Variants in GPR85 observed in about 807,000 individuals in gnomAD.
GPR85 encodes G protein-coupled receptor 85.
A neutral mutation model predicts 21.3 loss-of-function variants in GPR85; 7 were observed. The observed-to-expected ratio is 0.33, with a 90% CI of 0.19 to 0.62. The LOEUF is 0.62. Among genes scored for constraint, GPR85 ranks in the 20% least tolerant of loss-of-function variants. The pLI, the probability that GPR85 is intolerant of heterozygous loss-of-function variation, is 0.80. For synonymous variants in GPR85, 167 were observed against 166.1 expected, an observed-to-expected ratio of 1.01 and a Z score of -0.04; for missense variants, 299 against 443.8, an observed-to-expected ratio of 0.67 and a Z score of 2.93.
chr7:113,083,890 T>C lies in GPR85; in HGVS notation c.832A>G (p.Lys278Glu). Residue 278 changes from lysine to glutamate, a missense_variant, in exon 3 of 3, where the codon AAA becomes GAA. Coordinates refer to ENST00000424100, the MANE Select transcript of GPR85 (RefSeq NM_001146267.2). The surrounding 1 kb of genome is among the most constrained non-coding windows in gnomAD (Gnocchi z 4.4). ...RRRLLVLDEF[K>E]MEKRISRMFY... is the part of the protein sequence containing the mutation. ...ATTCTGCTGATTCTTTTCTCCATTTTGAACTCGTCTAAGACCAATAGCCTT... is the reference window on the plus strand; with the variant it reads ...ATTCTGCTGATTCTTTTCTCCATTTCGAACTCGTCTAAGACCAATAGCCTT... The C allele has an allele frequency of 6.2e-7, 1 of 1,614,208 alleles. No individual in the cohort carries two copies. The highest frequency in any genetic ancestry group is 8.5e-7 in the Non-Finnish European group (1 of 1,180,028).
chr7:113,084,200 G>C lies in GPR85; in HGVS notation c.522C>G (p.Phe174Leu). The C allele has an allele frequency of 6.2e-7, 1 of 1,614,116 alleles. No individual in the cohort carries two copies. The highest frequency in any genetic ancestry group is 1.3e-5 in the African/African-American group (1 of 75,038). The change falls in exon 3 of 3, where the codon TTC becomes TTG. Residue 174 changes from phenylalanine to leucine, a missense_variant. Coordinates refer to ENST00000424100, the MANE Select transcript of GPR85 (RefSeq NM_001146267.2). ...CATTAGCCCTGAAGGAGCGGTGTTG[G>C]AAGGTGCATTGATCTTCCTCCCTAA... is the stretch of plus-strand genomic sequence containing the variant. Reference protein sequence around the residue: ...SFIREEDQCTFQHRSFRANDS... With the variant: ...SFIREEDQCTLQHRSFRANDS...
At position 113,084,981 on chromosome 7, in the gene GPR85, A is replaced by C; in HGVS notation, c.-170-90T>G. 8.5e-6 allele frequency: 3 copies of C among 353,212 alleles called. No individual in the cohort carries two copies. In the South Asian group the frequency reaches 3.2e-4, roughly 38 times the overall value. 21.9% of individuals were successfully genotyped at this position (353,212 alleles called of 1,614,324 possible). ...CTAACAAAGCTGTTCACTTATGGGG[A>C]AGCAAATAAAGTTTTAATTTTGAAT... On this transcript the variant is annotated intron_variant, in intron 2 of 2. Transcript: ENST00000424100.
rs1276058565 is a variant in GPR85 at position 113,086,530 on chromosome 7, C to G, written c.-497G>C. ...CCTTGAGCTCCAGCCGCGTCCTCCC[C>G]TGTCGCAGCGGCACCGTCTCCCCCA... On this transcript the variant is annotated 5_prime_UTR_variant, in exon 1 of 3. Coordinates refer to ENST00000424100, the MANE Select transcript of GPR85 (RefSeq NM_001146267.2). The G allele has an allele frequency of 1.3e-5, 2 of 150,160 alleles. No individual in the cohort carries two copies. The highest frequency in any genetic ancestry group is 2.0e-4 in the East Asian group (1 of 5,026). 9.3% of individuals were successfully genotyped at this position (150,160 alleles called of 1,614,324 possible). A position where few individuals can be genotyped will look rare whatever the true frequency, so the allele number is the denominator to read the frequency against.
rs1794284507 is a variant in GPR85, at chr7:113,086,396, C to CTTTTTTTTTTTTTTTTTTTGTTTTTTT, written c.-364_-363insAAAAAAACAAAAAAAAAAAAAAAAAAA. The CTTTTTTTTTTTTTTTTTTTGTTTTTTT allele has an allele frequency of 2.1e-5, 1 of 48,066 alleles. No homozygotes were observed. Among genetic ancestry groups the CTTTTTTTTTTTTTTTTTTTGTTTTTTT allele is most frequent in the Non-Finnish European group, 3.6e-5 (1 of 28,132 alleles). 3.0% of individuals were successfully genotyped at this position (48,066 alleles called of 1,614,324 possible). ...CTGATTTTTTTCTTTTTTTCTTTTT[C>CTTTTTTTTTTTTTTTTTTTGTTTTTTT]TTTTTTTTTTTTTTTTTTTTGTTTT... On this transcript the variant is annotated 5_prime_UTR_variant, in exon 1 of 3. Transcript: ENST00000424100.
At position 113,083,435 on chromosome 7, in the gene GPR85, C is replaced by CT; in HGVS notation, c.*173dup. 1.6e-6 allele frequency: 1 copy of CT among 632,462 alleles called. No individual in the cohort carries two copies. Among genetic ancestry groups the CT allele is most frequent in the Non-Finnish European group, 2.7e-6 (1 of 366,016 alleles). The allele number at this position is 632,462 out of a possible 1,614,324, so 39.2% of individuals were successfully genotyped here. On this transcript the variant is annotated 3_prime_UTR_variant, in exon 3 of 3. Coordinates refer to ENST00000424100, the MANE Select transcript of GPR85 (RefSeq NM_001146267.2). The surrounding 1 kb of genome is among the most constrained non-coding windows in gnomAD (Gnocchi z 4.4). ...TTTGCTGGCAGTCAGCAGGATCACT[C>CT]TGAGATTTAAAATAGGATTATAGGT...
rs376463244 is a variant in GPR85 at position 113,084,245 on chromosome 7, G to A, written c.477C>T (p.Asp159=). ...SVAMAFPPVL[D]VGTYSFIREE... is the part of the protein sequence containing the mutation. ...CCCTAATGAATGAGTAAGTGCCCAC[G>A]TCTAAAACCGGGGGAAATGCCATGG... Residue 159 remains aspartate (D), a synonymous_variant, in exon 3 of 3, where the codon GAC becomes GAT. Coordinates refer to ENST00000424100, the MANE Select transcript of GPR85 (RefSeq NM_001146267.2). 2.3e-5 allele frequency: 37 copies of A among 1,614,002 alleles called. No homozygotes were observed. The highest frequency in any genetic ancestry group is 4.4e-5 in the South Asian group (4 of 91,084).
chr7:113,084,917 A>C, intron 2 of GPR85, 26 bp from the exon 3 acceptor site: 3 of 517,232 alleles, frequency 5.8e-6, no homozygotes, highest in Non-Finnish European at 1.0e-5. Flanking sequence ...AAAAAAACCT[A>C]TCAGTTCTTA....
rs1794280731 is a variant in GPR85, at chr7:113,086,390, C to CTTTTTTTTTTTTTTTTTT, written c.-358_-357insAAAAAAAAAAAAAAAAAA. On this transcript the variant is annotated 5_prime_UTR_variant, in exon 1 of 3. Coordinates refer to ENST00000424100, the MANE Select transcript of GPR85 (RefSeq NM_001146267.2). The stretch of plus-strand genomic sequence containing the variant: ...AAATTGCTGATTTTTTTCTTTTTTT[C>CTTTTTTTTTTTTTTTTTT]TTTTTCTTTTTTTTTTTTTTTTTTT... 5 of 25,294 alleles carry CTTTTTTTTTTTTTTTTTT rather than the reference C, an allele frequency of 2.0e-4. No individual in the cohort carries two copies. Among genetic ancestry groups the CTTTTTTTTTTTTTTTTTT allele is most frequent in the East Asian group, 1.2e-3 (1 of 814 alleles). 1.6% of individuals were successfully genotyped at this position (25,294 alleles called of 1,614,324 possible).
rs1794305276 is a variant in GPR85, at chr7:113,086,441, T to TTTTTTG, written c.-409_-408insCAAAAA. The TTTTTTG allele has an allele frequency of 7.6e-6, 1 of 132,188 alleles. No individual in the cohort carries two copies. Among genetic ancestry groups the TTTTTTG allele is most frequent in the African/African-American group, 2.8e-5 (1 of 35,326 alleles). 8.2% of individuals were successfully genotyped at this position (132,188 alleles called of 1,614,324 possible). ...TGTTTTTTGTTTTTTTTTTTTTTTT[T>TTTTTTG]TTTGCCTTAGTGCCTTGACTGAGCA... On this transcript the variant is annotated 5_prime_UTR_variant, in exon 1 of 3. Transcript: ENST00000424100.
chr7:113,083,585 G>C lies in GPR85; in HGVS notation c.*24C>G. On this transcript the variant is annotated 3_prime_UTR_variant, in exon 3 of 3. Coordinates refer to ENST00000424100, the MANE Select transcript of GPR85 (RefSeq NM_001146267.2). The surrounding 1 kb of genome is among the most constrained non-coding windows in gnomAD (Gnocchi z 4.4). ...CAGCAGAGAAGGTTAGTTTTCACAA[G>C]GCTAAAGATTTACAGATGCTCCCTC... 6.3e-7 allele frequency: 1 copy of C among 1,586,936 alleles called. No individual in the cohort carries two copies. Among genetic ancestry groups the C allele is most frequent in the Non-Finnish European group, 8.6e-7 (1 of 1,166,572 alleles).
At position 113,083,733 on chromosome 7, in the gene GPR85, G is replaced by A. The variant is rs372071765; in HGVS notation, c.989C>T (p.Ala330Val). Reference sequence around the variant, plus strand: ...GACAAAAGGATTGATTCCTGCTTGGGCAAAACTCATCCAGACAGCAGCTGT... The same window carrying A: ...GACAAAAGGATTGATTCCTGCTTGGACAAAACTCATCCAGACAGCAGCTGT... The part of the protein sequence containing the change: ...FLTAAVWMSF[A>V]QAGINPFVCI... The change falls in exon 3 of 3, where the codon GCC becomes GTC. Residue 330 changes from alanine to valine, a missense_variant. Coordinates refer to ENST00000424100, the MANE Select transcript of GPR85 (RefSeq NM_001146267.2). This position sits in a 1 kb window ranked among gnomAD's most constrained non-coding sequence, Gnocchi z 4.4. 3 of 1,614,072 alleles carry A rather than the reference G, an allele frequency of 1.9e-6. No homozygotes were observed. Among genetic ancestry groups the A allele is most frequent in the Non-Finnish European group, 2.5e-6 (3 of 1,180,044 alleles).
Position 113,084,579 on chromosome 7 carries a change from T to C in GPR85, c.143A>G (p.Asp48Gly), listed in dbSNP as rs1032120770. 5.6e-6 allele frequency: 9 copies of C among 1,613,794 alleles called. No individual in the cohort carries two copies. Among genetic ancestry groups the C allele is most frequent in the Non-Finnish European group, 7.6e-6 (9 of 1,179,800 alleles). The change falls in exon 3 of 3, where the codon GAT becomes GGT. Residue 48 changes from aspartate to glycine, a missense_variant. Physicochemically the swap from Asp to Gly is moderately conservative, Grantham distance 94. Around this residue, in one of 2 missense-constraint regions of GPR85, gnomAD observed 101 missense variants for 108.4 expected, o/e 0.93. Coordinates refer to ENST00000424100, the MANE Select transcript of GPR85 (RefSeq NM_001146267.2). Reference protein sequence around the residue: ...NLLISILLVKDKTLHRAPYYF... With the variant: ...NLLISILLVKGKTLHRAPYYF... ...GTAAGGTGCTCTATGCAAGGTCTTATCTTTCACTAGCAAAATGGAGATCAG... is the reference window on the plus strand; with the variant it reads ...GTAAGGTGCTCTATGCAAGGTCTTACCTTTCACTAGCAAAATGGAGATCAG...
rs376463244 is a variant in GPR85, at chr7:113,084,245, G to C, written c.477C>G (p.Asp159Glu). ...SVAMAFPPVL[D>E]VGTYSFIREE... is the part of the protein sequence containing the mutation. ...CCCTAATGAATGAGTAAGTGCCCACGTCTAAAACCGGGGGAAATGCCATGG... is the reference window on the plus strand; with the variant it reads ...CCCTAATGAATGAGTAAGTGCCCACCTCTAAAACCGGGGGAAATGCCATGG... The change falls in exon 3 of 3, where the codon GAC becomes GAG. Residue 159 changes from aspartate to glutamate, a missense_variant. Asp to Glu is a conservative substitution (Grantham distance 45, BLOSUM62 2). Around this residue, in one of 2 missense-constraint regions of GPR85, gnomAD observed 198 missense variants for 335.4 expected, o/e 0.59. Transcript: ENST00000424100. 1.9e-6 allele frequency: 3 copies of C among 1,614,120 alleles called. No homozygotes were observed. Among genetic ancestry groups the C allele is most frequent in the Non-Finnish European group, 2.5e-6 (3 of 1,180,018 alleles).
In GPR85 at chr7:113,086,417, G is replaced by GTTTTTTTTTTTTTTTTTTTTTT. The variant is rs1794296050; in HGVS notation, c.-385_-384insAAAAAAAAAAAAAAAAAAAAAA. 2 of 66,632 alleles carry GTTTTTTTTTTTTTTTTTTTTTT rather than the reference G, an allele frequency of 3.0e-5. No individual in the cohort carries two copies. Among genetic ancestry groups the GTTTTTTTTTTTTTTTTTTTTTT allele is most frequent in the African/African-American group, 6.2e-5 (1 of 16,224 alleles). The allele number at this position is 66,632 out of a possible 1,614,324, so 4.1% of individuals were successfully genotyped here. On this transcript the variant is annotated 5_prime_UTR_variant, in exon 1 of 3. It removes the in-frame stop codon of an upstream open reading frame in the 5' UTR. Coordinates refer to ENST00000424100, the MANE Select transcript of GPR85 (RefSeq NM_001146267.2). ...TTTTCTTTTTTTTTTTTTTTTTTTT[G>GTTTTTTTTTTTTTTTTTTTTTT]TTTTTTGTTTTTTTTTTTTTTTTTT...
At chr7:113,087,053 CT>C (rs1158581883), upstream of GPR85, among the ~76,000 whole-genome samples, 13 of 152,042 alleles carry the variant, frequency 8.6e-5, no homozygotes, top group Admixed American at 3.3e-4. Flanking sequence ...ATTTATTTAT[CT>C]TTTTCCCACA....
chr7:113,087,013 A>T (rs945809179), upstream of GPR85, among the ~76,000 whole-genome samples: 3 of 152,192 alleles, frequency 2.0e-5, no homozygotes, highest in Non-Finnish European at 4.4e-5. Flanking sequence ...CAAGAAAAGA[A>T]TGGGAAAAAA....
Position 113,083,515 on chromosome 7 carries a change from A to T in GPR85, c.*94T>A. ...CCAAATCCTTAAAACTGCTGATTCC[A>T]TTCTTGAATTTCTTCTCAAAATATG... On this transcript the variant is annotated 3_prime_UTR_variant, in exon 3 of 3. Coordinates refer to ENST00000424100, the MANE Select transcript of GPR85 (RefSeq NM_001146267.2). The surrounding 1 kb of genome is among the most constrained non-coding windows in gnomAD (Gnocchi z 4.4). 1 of 1,151,930 alleles carries T rather than the reference A, an allele frequency of 8.7e-7. No homozygotes were observed. Among genetic ancestry groups the T allele is most frequent in the Non-Finnish European group, 1.2e-6 (1 of 801,652 alleles). 71.4% of individuals were successfully genotyped at this position (1,151,930 alleles called of 1,614,324 possible).
In GPR85 at chr7:113,083,930, G is replaced by A. The variant is rs746465211; in HGVS notation, c.792C>T (p.Asn264=). The A allele has an allele frequency of 4.3e-6, 7 of 1,614,036 alleles. No individual in the cohort carries two copies. In the Admixed American group the frequency reaches 1.0e-4, roughly 23 times the overall value. ...CCAATAGCCTTCTTCTGCCTGTGGT[G>A]TTTGCATTTTGCCTGATGCCCAGCA... The part of the protein sequence containing the change: ...PTLLGIRQNA[N]TTGRRRLLVL... The change falls in exon 3 of 3, where the codon AAC becomes AAT. Residue 264 remains asparagine, a synonymous_variant. Transcript: ENST00000424100. The surrounding 1 kb of genome is among the most constrained non-coding windows in gnomAD (Gnocchi z 4.4).
chr7:113,083,693 G>C lies in GPR85; in HGVS notation c.1029C>G (p.Asn343Lys). ...GINPFVCIFS[N>K]RELRRCFSTT... ...TGCTGAAACAGCGCCTCAGCTCCCT[G>C]TTTGAGAAAATGCAGACAAAAGGAT... Residue 343 changes from asparagine (N) to lysine (K), a missense_variant, in exon 3 of 3, where the codon AAC becomes AAG. Physicochemically the swap from Asn to Lys is moderately conservative, Grantham distance 94 (BLOSUM62 0). Coordinates refer to ENST00000424100, the MANE Select transcript of GPR85 (RefSeq NM_001146267.2). This position sits in a 1 kb window ranked among gnomAD's most constrained non-coding sequence, Gnocchi z 4.4. The C allele has an allele frequency of 6.2e-7, 1 of 1,614,168 alleles. No individual in the cohort carries two copies. The highest frequency in any genetic ancestry group is 2.2e-5 in the East Asian group (1 of 44,874).
Sources: allele counts gnomAD v4.1 joint callset (sites outside exome capture counted in the v4.1 genomes callset), GRCh38; gene constraint gnomAD v4.1.1; regional missense constraint gnomAD v4.1.1; non-coding constraint Gnocchi (gnomAD v3.1); transcripts MANE v1.5; gene names NCBI Gene and HGNC (gene_info 2026-07-23, HGNC 2026-07-21).